Variants in DNMT3A observed in about 807,000 individuals in gnomAD.
DNMT3A encodes the protein DNA methyltransferase 3 alpha, also known as DNA (cytosine-5)-methyltransferase 3A.
A neutral mutation model predicts 117.6 loss-of-function variants in DNMT3A; 267 were observed. The ratio of observed to expected loss-of-function variants is 2.27; its 90% CI spans 2.05 to 2.51. The LOEUF (loss-of-function observed/expected upper bound fraction) is 2.51. Among genes scored for constraint, DNMT3A ranks in the 30% most tolerant of loss-of-function variants. The probability of loss-of-function intolerance (pLI) is 0.00; values close to 1 mark genes in which losing one functional copy is unlikely to be tolerated. For missense variants in DNMT3A, 1,029 were observed against 1,260.2 expected (o/e 0.82, Z 2.78); for synonymous variants, 432 against 474.8 (o/e 0.91, Z 1.17).
chr2:25,234,019 A>AGGAAGGGAAGGGAGC lies in DNMT3A; in HGVS notation c.*245_*259dup. On this transcript the variant is annotated 3_prime_UTR_variant, in exon 23 of 23. Transcript: ENST00000321117. The surrounding 1 kb of genome is among the most constrained non-coding windows in gnomAD (Gnocchi z 4.5). Reference sequence around the variant, plus strand: ...CTGACCGAAAAAAAAGGGAAGGGGGAGGAAGGGAAGGGAGCTTGGTTTTGT... The same window carrying AGGAAGGGAAGGGAGC: ...CTGACCGAAAAAAAAGGGAAGGGGGAGGAAGGGAAGGGAGCGGAAGGGAAGGGAGCTTGGTTTTGT... 2.9e-6 allele frequency: 1 copy of AGGAAGGGAAGGGAGC among 344,174 alleles called. No homozygotes were observed. The highest frequency in any genetic ancestry group is 5.1e-6 in the Non-Finnish European group (1 of 195,812). The allele number at this position is 344,174 out of a possible 1,614,324, so 21.3% of individuals were successfully genotyped here.
At chr2:25,250,010 G>T (rs989570028) in intron 6 of DNMT3A, among the ~76,000 whole-genome samples, 1 of 152,194 alleles carries the variant, frequency 6.6e-6, no homozygotes, top group Non-Finnish European at 1.5e-5. Flanking sequence ...TCCTGTCGGA[G>T]CCTCACAACC....
chr2:25,314,760 A>T, intron 1 of DNMT3A: 1 of 956,214 alleles, frequency 1.0e-6, no homozygotes, highest in Non-Finnish European at 1.2e-6. Context: ...GGCCAAGGCC[A>T]CAGGCCACGG....
At chr2:25,340,918 C>T (rs2035401200) in intron 1 of DNMT3A, among the ~76,000 whole-genome samples, 1 of 144,732 alleles carries the variant, frequency 6.9e-6, no homozygotes, top group Non-Finnish European at 1.5e-5. Context: ...ATTGCGGCGC[C>T]GCCACCGCGG....
rs1199692245 is a variant in DNMT3A, at chr2:25,246,149, AGGCCAACTACCT to A, written c.1428_1429+10del. 6.2e-7 allele frequency: 1 copy of A among 1,614,086 alleles called. No homozygotes were observed. The highest frequency in any genetic ancestry group is 8.5e-7 in the Non-Finnish European group (1 of 1,179,946). ...TCCTGGTGCCACCCTCTCCAGAAGCAGGCCAACTACCTCTTGTGCGCTCATCAATAATCTCCT... is the reference window on the plus strand; with the variant it reads ...TCCTGGTGCCACCCTCTCCAGAAGCACTTGTGCGCTCATCAATAATCTCCT... On this transcript the variant is annotated splice_donor_variant and splice_donor_5th_base_variant and coding_sequence_variant and intron_variant, in exon 11 of 23. Transcript: ENST00000321117. LOFTEE classifies it high-confidence loss of function.
In DNMT3A at chr2:25,245,297, G is replaced by A; in HGVS notation, c.1510C>T (p.Leu504=). 1 of 1,613,958 alleles carries A rather than the reference G, an allele frequency of 6.2e-7. No individual in the cohort carries two copies. The highest frequency in any genetic ancestry group is 1.3e-5 in the African/African-American group (1 of 75,062). Residue 504 remains leucine, a synonymous_variant, in exon 13 of 23, where the codon CTG becomes TTG. Transcript: ENST00000321117. ...CCTCCAACGAAGAGGGGGTGTTCCA[G>A]GGTAACATTGAGGCTCCCACAGGAG... ...CISCGSLNVT[L]EHPLFVGGMC...
chr2:25,280,086 C>T (rs957040050), intron 4 of DNMT3A, among the ~76,000 whole-genome samples: 60 of 152,104 alleles, frequency 3.9e-4, no homozygotes, highest in African/African-American at 1.4e-3. Flanking sequence ...GTCTGAAAGT[C>T]CCAGACCCAG....
Position 25,244,207 on chromosome 2 carries a change from TCCTC to T in DNMT3A, c.1795_1798del (p.Glu599ThrfsTer51). The T allele has an allele frequency of 6.2e-7, 1 of 1,613,820 alleles. No individual in the cohort carries two copies. The highest frequency in any genetic ancestry group is 8.5e-7 in the Non-Finnish European group (1 of 1,180,018). ...GAACATCTGGAGCCGGGAGGGCCAG[TCCTC>T]TCGCCGCCGCAGCAGCCCGTAGGTA... On this transcript the variant is annotated frameshift_variant, in exon 15 of 23. Coordinates refer to ENST00000321117, the MANE Select transcript of DNMT3A (RefSeq NM_022552.5). LOFTEE classifies it high-confidence loss of function.
chr2:25,321,669 G>T (rs2149437949), intron 1 of DNMT3A, among the ~76,000 whole-genome samples: 1 of 152,346 alleles, frequency 6.6e-6, no homozygotes, highest in Admixed American at 6.5e-5. Context: ...GAGAGGCCAA[G>T]ACAGGAGGAT....
intron 6 of DNMT3A, among the ~76,000 whole-genome samples, chr2:25,265,547 G>A (rs373792021): frequency 2.8e-4 from 43 of 152,152 alleles, no homozygotes; most frequent in Admixed American, 1.8e-3. Flanking sequence ...GGCCGGGCGC[G>A]GTGGCTCATG....
In DNMT3A at chr2:25,327,787, T is replaced by C. The variant is rs2034842043; in HGVS notation, c.-177-13626A>G. Among the ~76,000 whole-genome samples the C allele has an allele frequency of 6.6e-6, 1 of 152,198 alleles. No homozygotes were observed. The highest frequency in any genetic ancestry group is 6.5e-5 in the Admixed American group (1 of 15,280). ...CCTACTCTTCCAGAACATGCTTCTT[T>C]CAGAGCCGGCTCTATTTTCTGGTTT... On this transcript the variant is annotated intron_variant, in intron 1 of 22. Transcript: ENST00000321117. The surrounding 1 kb of genome is among the most constrained non-coding windows in gnomAD (Gnocchi z 4.1).
At position 25,274,935 on chromosome 2, in the gene DNMT3A, C is replaced by T. The variant is rs559534512; in HGVS notation, c.639+6G>A. ...GGGCTGGGGCCCAGGCCAGAAGGCG[C>T]CTCACCTCCCTTTTCCAGCGTGCCA... On this transcript the variant is annotated splice_donor_region_variant and intron_variant, in intron 6 of 22. Transcript: ENST00000321117. 9.8e-5 allele frequency: 158 copies of T among 1,605,864 alleles called. 2 individuals carry two copies. In the South Asian group the frequency reaches 1.7e-3, roughly 17 times the overall value.
intron 3 of DNMT3A, among the ~76,000 whole-genome samples, chr2:25,297,522 T>C (rs1558719437): frequency 6.7e-6 from 1 of 150,022 alleles, no homozygotes; most frequent in Non-Finnish European, 1.5e-5. Context: ...TTTTTTTTTT[T>C]TTTTTTGAGA....
In DNMT3A at chr2:25,257,498, G is replaced by A. The variant is rs769253404; in HGVS notation, c.640-9246C>T. ...CTCTCTCCTGGCTTCTCTGGAGGGA[G>A]AGAAGTGGGGGTCTGGTCTTGGCTT... On this transcript the variant is annotated intron_variant, in intron 6 of 22. Transcript: ENST00000321117. This position sits in a 1 kb window ranked among gnomAD's most constrained non-coding sequence, Gnocchi z 4.8. Among the ~76,000 whole-genome samples the A allele has an allele frequency of 2.6e-5, 4 of 152,166 alleles. No homozygotes were observed. The highest frequency in any genetic ancestry group is 7.2e-5 in the African/African-American group (3 of 41,438).
At position 25,245,304 on chromosome 2, in the gene DNMT3A, ATTGAGG is replaced by A; in HGVS notation, c.1497_1502del (p.Leu500_Asn501del). 6.2e-7 allele frequency: 1 copy of A among 1,613,922 alleles called. No homozygotes were observed. The highest frequency in any genetic ancestry group is 8.5e-7 in the Non-Finnish European group (1 of 1,179,954). On this transcript the variant is annotated inframe_deletion, in exon 13 of 23. Transcript: ENST00000321117. ...CGAAGAGGGGGTGTTCCAGGGTAAC[ATTGAGG>A]CTCCCACAGGAGATGCAGATGTCTG...
At chr2:25,342,522 C>G (rs2035500977), upstream of DNMT3A, 1 of 152,700 alleles carries the variant, frequency 6.5e-6, no homozygotes, top group Non-Finnish European at 1.5e-5. The surrounding 1 kb of genome is among the most constrained non-coding windows in gnomAD (Gnocchi z 5.9). Flanking sequence ...AGTGCCTCCC[C>G]CCGCAGCCCG....
chr2:25,239,989 G>C (rs1673786681), intron 19 of DNMT3A, among the ~76,000 whole-genome samples: 1 of 152,310 alleles, frequency 6.6e-6, no homozygotes, highest in Admixed American at 6.5e-5. Flanking sequence ...ATCCTGGTGT[G>C]TAACAAACAC....
At position 25,229,195 on chromosome 2, in the gene DNMT3A, A is replaced by G. The variant is rs1289165710; in HGVS notation, c.*5084T>C. 6.6e-6 allele frequency: 1 copy of G among 152,342 alleles called. No homozygotes were observed. The highest frequency in any genetic ancestry group is 1.5e-5 in the Non-Finnish European group (1 of 68,080). The allele number at this position is 152,342 out of a possible 1,614,324, so 9.4% of individuals were successfully genotyped here. A position where few individuals can be genotyped will look rare whatever the true frequency, so the allele number is the denominator to read the frequency against. ...CTGGCCTGCCTTTACCAAAACGTAAAGATTCCAGAGCTCACACTACAACAG... is the reference window on the plus strand; with the variant it reads ...CTGGCCTGCCTTTACCAAAACGTAAGGATTCCAGAGCTCACACTACAACAG... On this transcript the variant is annotated 3_prime_UTR_variant, in exon 23 of 23. Coordinates refer to ENST00000321117, the MANE Select transcript of DNMT3A (RefSeq NM_022552.5).
intron 16 of DNMT3A, among the ~76,000 whole-genome samples, chr2:25,242,233 T>C (rs1465542251): frequency 6.6e-6 from 1 of 151,856 alleles, no homozygotes; most frequent in Non-Finnish European, 1.5e-5. Flanking sequence ...TTTCCATTCC[T>C]CACTCAGCCC....
chr2:25,240,437 C>CCGGCCAGTGA lies in DNMT3A; in HGVS notation c.2186_2187insTCACTGGCCG (p.Leu730HisfsTer7). The CCGGCCAGTGA allele has an allele frequency of 6.2e-7, 1 of 1,608,432 alleles. No individual in the cohort carries two copies. Among genetic ancestry groups the CCGGCCAGTGA allele is most frequent in the Non-Finnish European group, 8.5e-7 (1 of 1,177,218 alleles). ...GGAGGCGGTAGAACTCAAAGAAGAG[C>CCGGCCAGTGA]CGGCCAGTGCCCTCTGAGAGGTCGG... On this transcript the variant is annotated frameshift_variant, in exon 19 of 23. Coordinates refer to ENST00000321117, the MANE Select transcript of DNMT3A (RefSeq NM_022552.5). LOFTEE classifies it high-confidence loss of function.
Sources: allele counts gnomAD v4.1 joint callset (sites outside exome capture counted in the v4.1 genomes callset), GRCh38; gene constraint gnomAD v4.1.1; non-coding constraint Gnocchi (gnomAD v3.1); transcripts MANE v1.5; gene names NCBI Gene and HGNC (gene_info 2026-07-23, HGNC 2026-07-21).